NEDD4L: variants seen among roughly 807,000 people sequenced by gnomAD.
The protein encoded by NEDD4L is NEDD4 like E3 ubiquitin protein ligase, also known as E3 ubiquitin-protein ligase NEDD4-like.
A neutral mutation model predicts 148.9 loss-of-function variants in NEDD4L; 54 were observed. That is an observed-to-expected ratio of 0.36 (90% CI 0.29 to 0.45). NEDD4L has a LOEUF of 0.45. NEDD4L is among the 20% of genes least tolerant of loss of function. The pLI, the probability that NEDD4L is intolerant of heterozygous loss-of-function variation, is 1.00. For synonymous variants in NEDD4L, 433 were observed against 440.7 expected, an observed-to-expected ratio of 0.98 and a Z score of 0.22; for missense variants, 856 against 1,233.8, an observed-to-expected ratio of 0.69 and a Z score of 4.59.
intron 2 of NEDD4L, among the ~76,000 whole-genome samples, chr18:58,182,607 AGGTAGCTGGGAC>A (rs2147006482): frequency 7.1e-6 from 1 of 141,028 alleles, no homozygotes; most frequent in Non-Finnish European, 1.5e-5. Flanking sequence ...TCAGCCTCCC[AGGTAGCTGGGAC>A]TACAGGCACC....
intron 1 of NEDD4L, among the ~76,000 whole-genome samples, chr18:58,151,604 A>G (rs1025830010): frequency 1.6e-4 from 19 of 121,432 alleles, no homozygotes; most frequent in South Asian, 2.6e-4. Context: ...GATTGTGAAG[A>G]TGAGGTAGCT....
At position 58,366,415 on chromosome 18, in the gene NEDD4L, T is replaced by A. The variant is rs919582738; in HGVS notation, c.2063+187T>A. On this transcript the variant is annotated intron_variant, in intron 21 of 30. Coordinates refer to ENST00000400345, the MANE Select transcript of NEDD4L (RefSeq NM_001144967.3). This position sits in a 1 kb window ranked among gnomAD's most constrained non-coding sequence, Gnocchi z 4.2. ...GACTCTACGTGGTGAAATAGTGTAC[T>A]CTGCGAACATCTAACATTGATTTTT... 6.6e-6 allele frequency among the ~76,000 whole-genome samples: 1 copy of A among 152,234 alleles called. No individual in the cohort carries two copies. The highest frequency in any genetic ancestry group is 1.5e-5 in the Non-Finnish European group (1 of 68,044).
chr18:58,121,953 T>G (rs2029988526), intron 1 of NEDD4L, among the ~76,000 whole-genome samples: 1 of 152,224 alleles, frequency 6.6e-6, no homozygotes, highest in Admixed American at 6.5e-5. Flanking sequence ...TTTCTATGTT[T>G]TTATAGTATT....
intron 1 of NEDD4L, among the ~76,000 whole-genome samples, chr18:58,054,557 C>T (rs1170177635): frequency 6.6e-6 from 1 of 152,136 alleles, no homozygotes; most frequent in Non-Finnish European, 1.5e-5. Context: ...ATGATTGCAC[C>T]ACCGCACTCG....
At chr18:58,390,817 C>T (rs1164679822) in intron 29 of NEDD4L, 75 bp downstream of exon 29, 1 of 1,045,718 alleles carries the variant, frequency 9.6e-7, no homozygotes, top group Non-Finnish European at 1.5e-6. Flanking sequence ...CCCAAGAACC[C>T]TGCCGCCAGG....
At chr18:58,076,330 AATACAT>A (rs2083156470) in intron 1 of NEDD4L, among the ~76,000 whole-genome samples, 1 of 152,192 alleles carries the variant, frequency 6.6e-6, no homozygotes, top group Non-Finnish European at 1.5e-5. Context: ...TTCCATTCGT[AATACAT>A]AATAGAACAC....
chr18:58,293,357 T>C (rs866003861), intron 5 of NEDD4L, among the ~76,000 whole-genome samples: 7 of 152,364 alleles, frequency 4.6e-5, no homozygotes, highest in Middle Eastern at 3.4e-3. Context: ...AATGCACCAG[T>C]CTAGCTGGTT....
At chr18:58,240,634 G>C (rs924699566) in intron 2 of NEDD4L, among the ~76,000 whole-genome samples, 1 of 152,132 alleles carries the variant, frequency 6.6e-6, no homozygotes, top group Non-Finnish European at 1.5e-5. Context: ...ACCTTTGGAT[G>C]AGTAGTCAGT....
intron 2 of NEDD4L, among the ~76,000 whole-genome samples, chr18:58,180,164 A>G (rs1040936917): frequency 5.3e-5 from 8 of 152,120 alleles, no homozygotes; most frequent in South Asian, 2.1e-4. Context: ...GGTCTTTGTG[A>G]CGCCCTGCAA....
Position 58,324,952 on chromosome 18 carries a change from C to T in NEDD4L, c.514-44C>T, listed in dbSNP as rs149948509. The T allele has an allele frequency of 5.7e-5, 90 of 1,573,170 alleles. 1 individual carries two copies. In the African/African-American group the frequency reaches 9.0e-4, roughly 16 times the overall value. On this transcript the variant is annotated intron_variant, in intron 8 of 30. Transcript: ENST00000400345. ...GCTGTGATGACCTCTTACTCACAGC[C>T]GAAGAACCAACCTCATAATCGTCCC... is the stretch of plus-strand genomic sequence containing the variant.
chr18:58,352,599 C>T (rs1486807027), intron 18 of NEDD4L, among the ~76,000 whole-genome samples: 6 of 152,044 alleles, frequency 3.9e-5, no homozygotes, highest in Admixed American at 3.9e-4. Flanking sequence ...GTGGAGGTTG[C>T]GGTGAGACAA....
Position 58,400,261 on chromosome 18 carries a change from G to A in NEDD4L, c.*3992G>A, listed in dbSNP as rs2147184283. The A allele has an allele frequency of 6.6e-6, 1 of 152,340 alleles. No individual in the cohort carries two copies. The highest frequency in any genetic ancestry group is 1.9e-4 in the East Asian group (1 of 5,190). The allele number at this position is 152,340 out of a possible 1,614,324, so 9.4% of individuals were successfully genotyped here. A position where few individuals can be genotyped will look rare whatever the true frequency, so the allele number is the denominator to read the frequency against. On this transcript the variant is annotated 3_prime_UTR_variant, in exon 31 of 31. Transcript: ENST00000400345. ...TCACTACCTCTGTCATTCAGGCATT[G>A]GGGTACATCCTGATAAGTCGTGTCA...
intron 6 of NEDD4L, among the ~76,000 whole-genome samples, chr18:58,316,956 ATTTAC>A: frequency 2.7e-5 from 1 of 36,466 alleles, no homozygotes. Flanking sequence ...ACTTTACTTT[ATTTAC>A]TTTATTTAAA....
chr18:58,345,169 T>TGTGGGAAATCCTCAAG (rs2042892872), intron 16 of NEDD4L, among the ~76,000 whole-genome samples: 1 of 152,242 alleles, frequency 6.6e-6, no homozygotes, highest in South Asian at 2.1e-4. Flanking sequence ...CTGCTGCTAG[T>TGTGGGAAATCCTCAAG]GTGGGAAATC....
At chr18:58,058,849 A>G (rs555089615) in intron 1 of NEDD4L, among the ~76,000 whole-genome samples, 14 of 152,130 alleles carry the variant, frequency 9.2e-5, no homozygotes, top group Non-Finnish European at 1.9e-4. Context: ...GCAATGAAGG[A>G]TTGTTGGTTT....
In NEDD4L at chr18:58,333,649, GAT is replaced by G. The variant is rs370553960; in HGVS notation, c.991-167_991-166del. 1.4e-4 allele frequency among the ~76,000 whole-genome samples: 21 copies of G among 152,278 alleles called. No homozygotes were observed. In the South Asian group the frequency reaches 4.1e-3, roughly 30 times the overall value. The stretch of plus-strand genomic sequence containing the variant: ...TGCTTAACTGAAAATTAAAGTGAAA[GAT>G]AACTTTTTCAAGGATGACTGTCCTT... On this transcript the variant is annotated intron_variant, in intron 11 of 30. Transcript: ENST00000400345.
At chr18:58,125,348 C>G (rs191143248) in intron 1 of NEDD4L, among the ~76,000 whole-genome samples, 101 of 141,056 alleles carry the variant, frequency 7.2e-4, no homozygotes, top group Non-Finnish European at 9.5e-4. Context: ...CCTCTTCCCC[C>G]CACCAGGAGG....
chr18:58,393,334 T>C (rs1332851417), intron 30 of NEDD4L, among the ~76,000 whole-genome samples: 1 of 152,216 alleles, frequency 6.6e-6, no homozygotes, highest in African/African-American at 2.4e-5. Context: ...GCCTGGAATT[T>C]GGACTTCATT....
At chr18:58,220,216 A>G (rs536762346) in intron 2 of NEDD4L, among the ~76,000 whole-genome samples, 1 of 152,314 alleles carries the variant, frequency 6.6e-6, no homozygotes, top group African/African-American at 2.4e-5. Context: ...GGAGTTCCAG[A>G]CCAGCCTTGG....
Sources: allele counts gnomAD v4.1 joint callset (sites outside exome capture counted in the v4.1 genomes callset), GRCh38; gene constraint gnomAD v4.1.1; non-coding constraint Gnocchi (gnomAD v3.1); transcripts MANE v1.5; gene names NCBI Gene and HGNC (gene_info 2026-07-23, HGNC 2026-07-21).